CCPG1: variants seen among roughly 807,000 people sequenced by gnomAD.
The protein encoded by CCPG1 is cell cycle progression 1, also known as cell cycle progression protein 1.
In CCPG1, 46 loss-of-function variants were observed where a neutral mutation model predicts 81.3. The observed-to-expected ratio is 0.57, with a 90% CI of 0.45 to 0.72. CCPG1 has a LOEUF of 0.72. Ranked by LOEUF, CCPG1 falls within the 30% of genes least tolerant of loss-of-function variation. CCPG1 has a pLI of 0.00. For missense variants in CCPG1, 902 were observed against 937.6 expected (o/e 0.96, Z 0.50); for synonymous variants, 330 against 305.2 (o/e 1.08, Z -0.85).
chr15:55,361,082 AG>A (rs1267243418), intron 7 of CCPG1, 138 bp from the exon 8 acceptor site: 10 of 906,712 alleles, frequency 1.1e-5, no homozygotes, highest in Non-Finnish European at 1.4e-5. Flanking sequence ...TATTTTCAAT[AG>A]TATAAACATT....
At chr15:55,382,677 T>C (rs565467245) in intron 3 of CCPG1, among the ~76,000 whole-genome samples, 30 of 152,072 alleles carry the variant, frequency 2.0e-4, no homozygotes, top group African/African-American at 6.7e-4. Flanking sequence ...GCCCAGCTAA[T>C]TGTTTGTATT....
chr15:55,377,112 A>T lies in CCPG1; in HGVS notation c.291T>A (p.Ile97=). 4 of 1,613,704 alleles carry T rather than the reference A, an allele frequency of 2.5e-6. No homozygotes were observed. The highest frequency in any genetic ancestry group is 3.4e-6 in the Non-Finnish European group (4 of 1,179,646). The change falls in exon 5 of 9, where the codon ATT becomes ATA. Residue 97 remains isoleucine, a synonymous_variant. Transcript: ENST00000442196. ...TATCAGAATCATCACTGGCAGTTCC[A>T]ATATAGATACTGTCTTCGGGTATCT... ...EQKIPEDSIY[I]GTASDDSDIV...
chr15:55,358,908 T>G, intron 8 of CCPG1: 1 of 962,780 alleles, frequency 1.0e-6, no homozygotes, highest in Non-Finnish European at 1.2e-6. Flanking sequence ...GAAGCTAACA[T>G]TTGAAGATTA....
intron 2 of CCPG1, among the ~76,000 whole-genome samples, chr15:55,387,099 G>A (rs1204864170): frequency 6.6e-6 from 1 of 152,146 alleles, no homozygotes; most frequent in East Asian, 1.9e-4. Context: ...ACATGTAAGA[G>A]AAATTAGCAA....
At chr15:55,396,590 C>A (rs2057021052) in intron 1 of CCPG1, among the ~76,000 whole-genome samples, 1 of 152,210 alleles carries the variant, frequency 6.6e-6, no homozygotes, top group Non-Finnish European at 1.5e-5. Flanking sequence ...AAGCAAGAGT[C>A]ACCACACATT....
chr15:55,402,097 A>G (rs1305783239), intron 1 of CCPG1, among the ~76,000 whole-genome samples: 1 of 152,220 alleles, frequency 6.6e-6, no homozygotes, highest in African/African-American at 2.4e-5. Context: ...AGCACTTACT[A>G]TACTTCTCAG....
At chr15:55,368,943 C>G (rs1254422643) in intron 6 of CCPG1, among the ~76,000 whole-genome samples, 1 of 151,766 alleles carries the variant, frequency 6.6e-6, no homozygotes, top group African/African-American at 2.4e-5. Context: ...GAAACCTCAT[C>G]TCTTCTAAAA....
chr15:55,377,160 C>A lies in CCPG1; in HGVS notation c.253-10G>T. On this transcript the variant is annotated splice_polypyrimidine_tract_variant and intron_variant, in intron 4 of 8. Coordinates refer to ENST00000442196, the MANE Select transcript of CCPG1 (RefSeq NM_001204450.2). Reference sequence around the variant, plus strand: ...TCTTTTGTTCCTCTGCCTGAAGAATCATAATTTTAGAGATGGTAAGTTCAA... The same window carrying A: ...TCTTTTGTTCCTCTGCCTGAAGAATAATAATTTTAGAGATGGTAAGTTCAA... The A allele has an allele frequency of 1.3e-6, 2 of 1,595,740 alleles. No homozygotes were observed. The highest frequency in any genetic ancestry group is 1.1e-5 in the South Asian group (1 of 90,232).
At chr15:55,374,653 C>CG (rs1566972412) in intron 5 of CCPG1, among the ~76,000 whole-genome samples, 1 of 152,084 alleles carries the variant, frequency 6.6e-6, no homozygotes, top group Non-Finnish European at 1.5e-5. Context: ...TTTTTTGAGA[C>CG]GGGGTCTCCC....
At chr15:55,388,418 T>G (rs534914188) in intron 2 of CCPG1, among the ~76,000 whole-genome samples, 4 of 152,222 alleles carry the variant, frequency 2.6e-5, no homozygotes, top group African/African-American at 9.7e-5. Flanking sequence ...GTTCTGGCCT[T>G]TTCCCTGTGA....
intron 7 of CCPG1, among the ~76,000 whole-genome samples, chr15:55,361,268 A>T (rs974964145): frequency 1.5e-4 from 23 of 151,556 alleles, no homozygotes; most frequent in Admixed American, 1.4e-3. Context: ...CTTGAGTTCA[A>T]GCGACTCTCC....
Position 55,377,133 on chromosome 15 carries a change from T to C in CCPG1, c.270A>G (p.Ile90Met), listed in dbSNP as rs755752036. The C allele has an allele frequency of 6.2e-7, 1 of 1,612,290 alleles. No individual in the cohort carries two copies. Among genetic ancestry groups the C allele is most frequent in the South Asian group, 1.1e-5 (1 of 90,954 alleles). The change falls in exon 5 of 9, where the codon ATA (isoleucine) becomes ATG (methionine). Residue 90 changes from isoleucine (I) to methionine (M), a missense_variant. By Grantham distance (10) the Ile-to-Met change is conservative (BLOSUM62 1). Transcript: ENST00000442196. ...SSTIEAEEQK[I>M]PEDSIYIGTA... is the part of the protein sequence containing the mutation. ...TTCCAATATAGATACTGTCTTCGGG[T>C]ATCTTTTGTTCCTCTGCCTGAAGAA...
intron 1 of CCPG1, among the ~76,000 whole-genome samples, chr15:55,404,830 G>A (rs1022010732): frequency 2.6e-5 from 4 of 152,102 alleles, no homozygotes; most frequent in East Asian, 1.9e-4. Flanking sequence ...CCAGCACTTC[G>A]GGAGGCCCAG....
chr15:55,381,123 C>A (rs1399762324), intron 3 of CCPG1, among the ~76,000 whole-genome samples: 1 of 151,294 alleles, frequency 6.6e-6, no homozygotes, highest in South Asian at 2.1e-4. Context: ...GGCAACAGAG[C>A]AAGACACCAT....
intron 5 of CCPG1, among the ~76,000 whole-genome samples, chr15:55,374,775 C>A (rs1186708318): frequency 6.6e-6 from 1 of 152,156 alleles, no homozygotes; most frequent in Non-Finnish European, 1.5e-5. Flanking sequence ...GGATTACAGG[C>A]CTGCGCTACC....
intron 1 of CCPG1, among the ~76,000 whole-genome samples, chr15:55,404,368 T>C (rs543801365): frequency 4.6e-5 from 7 of 152,134 alleles, no homozygotes; most frequent in Admixed American, 2.6e-4. Context: ...GTACTGTATA[T>C]TACTGTGGAA....
At chr15:55,361,934 CTT>C (rs1394600021) in intron 7 of CCPG1, among the ~76,000 whole-genome samples, 1 of 152,132 alleles carries the variant, frequency 6.6e-6, no homozygotes, top group Non-Finnish European at 1.5e-5. Flanking sequence ...TTATAACTAA[CTT>C]ATCCAATTTT....
chr15:55,379,279 T>C (rs2056631122), intron 3 of CCPG1, among the ~76,000 whole-genome samples: 1 of 151,582 alleles, frequency 6.6e-6, no homozygotes, highest in Admixed American at 6.6e-5. Context: ...CCTAGCACTT[T>C]TGGGAGGCCA....
At chr15:55,380,637 G>A (rs139914273) in intron 3 of CCPG1, among the ~76,000 whole-genome samples, 1 of 151,720 alleles carries the variant, frequency 6.6e-6, no homozygotes, top group African/African-American at 2.4e-5. Flanking sequence ...CAAAGAACAG[G>A]GAAAAAAAAA....
Sources: gnomAD v4.1 joint callset for allele counts (sites outside exome capture counted in the v4.1 genomes callset) on GRCh38, gnomAD v4.1.1 for gene constraint, MANE v1.5 for transcripts, NCBI Gene and HGNC (gene_info 2026-07-23, HGNC 2026-07-21) for gene names.